The following TPRG1 variants were observed in gnomAD, a reference collection of about 807,000 sequenced individuals.
TPRG1 encodes tumor protein p63 regulated 1.
TPRG1 carries 29 observed loss-of-function variants against 29.3 expected under a neutral mutation model. The observed-to-expected ratio is 0.99, with a 90% CI of 0.74 to 1.35. The LOEUF (loss-of-function observed/expected upper bound fraction) is 1.35. TPRG1 is among the 40% of genes most tolerant of loss of function. The probability of loss-of-function intolerance (pLI) is 0.00; values close to 1 mark genes in which losing one functional copy is unlikely to be tolerated. For synonymous variants in TPRG1, 130 were observed against 116.8 expected (o/e 1.11, Z -0.73); for missense variants, 327 against 335.0 (o/e 0.98, Z 0.19).
At chr3:189,316,596 C>T (rs1243135556) in intron 5 of TPRG1, among the ~76,000 whole-genome samples, 4 of 152,256 alleles carry the variant, frequency 2.6e-5, no homozygotes, top group African/African-American at 4.8e-5. Flanking sequence ...TAAAGCAAAC[C>T]TGTGGACCAG....
chr3:189,322,765 A>T lies in TPRG1; in HGVS notation c.*1945A>T, dbSNP rs768822626. On this transcript the variant is annotated 3_prime_UTR_variant, in exon 6 of 6. Transcript: ENST00000345063. ...ACCTAAGCCAGACTGTTCCCAAATG[A>T]CCTTCTAAAGGACACAGTGCACCAT... 1 of 152,194 alleles carries T rather than the reference A, an allele frequency of 6.6e-6. No homozygotes were observed. The highest frequency in any genetic ancestry group is 2.4e-5 in the African/African-American group (1 of 41,396). The allele number at this position is 152,194 out of a possible 1,614,324, so 9.4% of individuals were successfully genotyped here. A position where few individuals can be genotyped will look rare whatever the true frequency, so the allele number is the denominator to read the frequency against.
At chr3:189,238,948 G>A (rs1192896767) in intron 4 of TPRG1, 39 bp downstream of exon 4, 1 of 1,522,204 alleles carries the variant, frequency 6.6e-7, no homozygotes, top group Non-Finnish European at 8.9e-7. Context: ...TGGTGCAGCA[G>A]GGATGGACCT....
At chr3:189,279,084 G>A (rs1366145725) in intron 4 of TPRG1, among the ~76,000 whole-genome samples, 1 of 152,176 alleles carries the variant, frequency 6.6e-6, no homozygotes, top group Admixed American at 6.5e-5. Context: ...TACAGTATCT[G>A]CTTCAACTGC....
chr3:189,028,496 C>T (rs1419524186), intron 4 of TPRG1, among the ~76,000 whole-genome samples: 2 of 151,552 alleles, frequency 1.3e-5, no homozygotes, highest in Non-Finnish European at 2.9e-5. Context: ...GAATTAGGAT[C>T]GTGGTTCTGT....
At chr3:189,052,316 A>G (rs1715373732) in intron 4 of TPRG1, among the ~76,000 whole-genome samples, 1 of 151,996 alleles carries the variant, frequency 6.6e-6, no homozygotes, top group Admixed American at 6.5e-5. Context: ...AAGATATACA[A>G]ATAGCCAACA....
At chr3:189,257,245 AT>A (rs1159867502) in intron 4 of TPRG1, among the ~76,000 whole-genome samples, 1 of 152,138 alleles carries the variant, frequency 6.6e-6, no homozygotes, top group Non-Finnish European at 1.5e-5. Context: ...AAAGGATTTT[AT>A]TTCTCCTTTA....
At chr3:189,280,235 G>A (rs1427716682) in intron 4 of TPRG1, among the ~76,000 whole-genome samples, 2 of 150,692 alleles carry the variant, frequency 1.3e-5, no homozygotes, top group Non-Finnish European at 3.0e-5. Flanking sequence ...AGAAGTGAAT[G>A]AATGCACCTG....
chr3:189,067,541 A>G (rs1183587401), intron 4 of TPRG1, among the ~76,000 whole-genome samples: 2 of 152,234 alleles, frequency 1.3e-5, no homozygotes, highest in African/African-American at 4.8e-5. Context: ...CTCTTTCTCA[A>G]CAAAGGTATC....
chr3:189,275,925 G>T (rs1356410860), intron 4 of TPRG1, among the ~76,000 whole-genome samples: 1 of 152,060 alleles, frequency 6.6e-6, no homozygotes, highest in Admixed American at 6.6e-5. Flanking sequence ...GGGAAGAGAG[G>T]CAAATACAAT....
chr3:189,199,740 C>T (rs1458826021), intron 1 of TPRG1, among the ~76,000 whole-genome samples: 1 of 152,090 alleles, frequency 6.6e-6, no homozygotes, highest in Admixed American at 6.5e-5. Flanking sequence ...ACTCAGGAGG[C>T]TGATGCAGGA....
At chr3:189,118,862 A>T (rs1174664973) in intron 1 of TPRG1, among the ~76,000 whole-genome samples, 1 of 152,186 alleles carries the variant, frequency 6.6e-6, no homozygotes, top group African/African-American at 2.4e-5. Context: ...CTCATGGAGA[A>T]CCTCTGCTAC....
chr3:189,140,474 C>T (rs1197919571), intron 3 of TPRG1, among the ~76,000 whole-genome samples: 1 of 152,134 alleles, frequency 6.6e-6, no homozygotes, highest in Non-Finnish European at 1.5e-5. Flanking sequence ...ATTGCTATTA[C>T]TTAGTATTAA....
chr3:189,157,991 A>G (rs999746195), intron 5 of TPRG1, among the ~76,000 whole-genome samples: 1 of 152,200 alleles, frequency 6.6e-6, no homozygotes, highest in Non-Finnish European at 1.5e-5. Flanking sequence ...TCCTTTTAGG[A>G]TGTTATTTAC....
chr3:189,087,077 G>A (rs1478878268), intron 4 of TPRG1, among the ~76,000 whole-genome samples: 12 of 152,144 alleles, frequency 7.9e-5, no homozygotes, highest in East Asian at 1.9e-4. Flanking sequence ...TTGAGGAATC[G>A]CCACACTGTC....
At chr3:189,060,266 T>C (rs1716017413) in intron 4 of TPRG1, among the ~76,000 whole-genome samples, 1 of 151,942 alleles carries the variant, frequency 6.6e-6, no homozygotes, top group African/African-American at 2.4e-5. Context: ...AAAAACTCAA[T>C]AAACTAGGTT....
In TPRG1 at chr3:189,310,470, A is replaced by T. The variant is rs1722307652; in HGVS notation, c.564A>T (p.Glu188Asp). 6.2e-7 allele frequency: 1 copy of T among 1,612,870 alleles called. No homozygotes were observed. The highest frequency in any genetic ancestry group is 8.5e-7 in the Non-Finnish European group (1 of 1,179,570). Residue 188 changes from glutamate to aspartate, a missense_variant, in exon 5 of 6, where the codon GAA (glutamate) becomes GAT (aspartate). Coordinates refer to ENST00000345063, the MANE Select transcript of TPRG1 (RefSeq NM_198485.4). Reference protein sequence around the residue: ...LLSRWNPWSTEVPYATFTEHP... With the variant: ...LLSRWNPWSTDVPYATFTEHP... ...CCCGCTGGAACCCATGGTCCACTGA[A>T]GTTCCTTATGCTACTTTCACTGAGC...
Position 189,172,798 on chromosome 3 carries a change from A to G in TPRG1, c.-10+667A>G, listed in dbSNP as rs560126012. Among the ~76,000 whole-genome samples the G allele has an allele frequency of 2.3e-3, 353 of 152,318 alleles. 1 individual carries two copies. The highest frequency in any genetic ancestry group is 0.019 in the South Asian group (90 of 4,822). On this transcript the variant is annotated intron_variant, in intron 1 of 5. Coordinates refer to ENST00000345063, the MANE Select transcript of TPRG1 (RefSeq NM_198485.4). ...ATAGGCAAATGAGACAGCGATGACT[A>G]CTTGGCGCCTGAGACATCCTCCAGA...
intron 4 of TPRG1, among the ~76,000 whole-genome samples, chr3:189,257,315 G>T (rs1324128526): frequency 6.6e-6 from 1 of 152,182 alleles, no homozygotes; most frequent in Non-Finnish European, 1.5e-5. Context: ...TTTTCTTTAA[G>T]AATGTTGAAT....
intron 1 of TPRG1, among the ~76,000 whole-genome samples, chr3:189,183,192 C>A (rs1436320515): frequency 6.6e-6 from 1 of 152,092 alleles, no homozygotes; most frequent in Non-Finnish European, 1.5e-5. Context: ...CCGGGGGAGA[C>A]ATCACATGTC....
Sources: gnomAD v4.1 joint callset for allele counts (sites outside exome capture counted in the v4.1 genomes callset) on GRCh38, gnomAD v4.1.1 for gene constraint, MANE v1.5 for transcripts, NCBI Gene and HGNC (gene_info 2026-07-23, HGNC 2026-07-21) for gene names.